The following CCDC91 variants were observed in gnomAD, a reference collection of about 807,000 sequenced individuals.
The protein encoded by CCDC91 is coiled-coil domain containing 91.
A neutral mutation model predicts 63.2 loss-of-function variants in CCDC91; 48 were observed. That is an observed-to-expected ratio of 0.76 (90% CI 0.60 to 0.97). The LOEUF is 0.97. Among genes scored for constraint, CCDC91 ranks in the 50% least tolerant of loss-of-function variants. CCDC91 has a pLI of 0.00. For missense variants in CCDC91, 500 were observed against 494.6 expected (o/e 1.01, Z -0.10); for synonymous variants, 167 against 165.8 (o/e 1.01, Z -0.06).
At chr12:28,346,052 CTT>C in intron 6 of CCDC91, among the ~76,000 whole-genome samples, 2 of 150,696 alleles carry the variant, frequency 1.3e-5, no homozygotes, top group South Asian at 4.2e-4. Flanking sequence ...TTATTGTGAT[CTT>C]ATATATATTT....
At chr12:28,261,042 T>C (rs1220726428) in intron 3 of CCDC91, among the ~76,000 whole-genome samples, 1 of 152,032 alleles carries the variant, frequency 6.6e-6, no homozygotes, top group Non-Finnish European at 1.5e-5. Flanking sequence ...TCTTTTTCAA[T>C]AACTCAGGTT....
chr12:28,275,428 T>C (rs914638665), intron 3 of CCDC91, among the ~76,000 whole-genome samples: 39 of 151,982 alleles, frequency 2.6e-4, no homozygotes, highest in South Asian at 2.1e-4. Context: ...CAGGAAGAAG[T>C]TGAATCTCTG....
intron 1 of CCDC91, among the ~76,000 whole-genome samples, chr12:28,228,400 C>G (rs1944402862): frequency 6.6e-6 from 1 of 152,012 alleles, no homozygotes; most frequent in African/African-American, 2.4e-5. Context: ...ACTGTGATAT[C>G]CAAGGACATA....
chr12:28,415,665 T>TGTGC (rs1947612737), intron 8 of CCDC91, among the ~76,000 whole-genome samples: 1 of 298 alleles, frequency 3.4e-3, no homozygotes, highest in Non-Finnish European at 0.026. Context: ...GATATATATT[T>TGTGC]GTGTGTGTGT....
At chr12:28,535,870 A>T (rs953332845) in intron 12 of CCDC91, among the ~76,000 whole-genome samples, 5 of 152,050 alleles carry the variant, frequency 3.3e-5, no homozygotes, top group Non-Finnish European at 7.4e-5. Context: ...CTACTAAAAA[A>T]TACAAAAATT....
intron 8 of CCDC91, among the ~76,000 whole-genome samples, chr12:28,431,595 C>T (rs992802263): frequency 1.3e-5 from 2 of 151,962 alleles, no homozygotes; most frequent in African/African-American, 2.4e-5. Context: ...CTCTTATAAG[C>T]AGGTTCTAGC....
chr12:28,255,826 T>C (rs1946408482), intron 1 of CCDC91: 1 of 152,148 alleles, frequency 6.6e-6, no homozygotes. Flanking sequence ...AAATTAATGT[T>C]TTTACTGTTT....
At position 28,510,947 on chromosome 12, in the gene CCDC91, T is replaced by A. The variant is rs1458715592; in HGVS notation, c.1215+26782T>A. On this transcript the variant is annotated intron_variant, in intron 12 of 12. Coordinates refer to ENST00000536442, the MANE Select transcript of CCDC91 (RefSeq NM_018318.5). ...TTTGCTCCTTCACAAGACTTTCTTTTCTCAATAAATGGCACCAGCTGCACA... is the reference window on the plus strand; with the variant it reads ...TTTGCTCCTTCACAAGACTTTCTTTACTCAATAAATGGCACCAGCTGCACA... 1.2e-4 allele frequency among the ~76,000 whole-genome samples: 18 copies of A among 151,970 alleles called. 1 individual carries two copies. The highest frequency in any genetic ancestry group is 1.2e-3 in the Admixed American group (18 of 15,218).
intron 6 of CCDC91, among the ~76,000 whole-genome samples, chr12:28,329,187 G>A (rs1051120712): frequency 6.6e-6 from 1 of 152,170 alleles, no homozygotes; most frequent in Non-Finnish European, 1.5e-5. Context: ...TCAGTTCAAT[G>A]TTGGATTTCA....
At chr12:28,259,216 G>C (rs2136194230) in intron 2 of CCDC91, 148 bp from the exon 3 acceptor site, 1 of 621,126 alleles carries the variant, frequency 1.6e-6, no homozygotes, top group Admixed American at 2.5e-5. Flanking sequence ...AGTGGTAGGA[G>C]TTAAGACTGA....
chr12:28,398,353 G>A (rs528890551), intron 8 of CCDC91, among the ~76,000 whole-genome samples: 1 of 152,136 alleles, frequency 6.6e-6, no homozygotes, highest in African/African-American at 2.4e-5. Context: ...ATAGTCACAT[G>A]TATTAATAAT....
intron 12 of CCDC91, among the ~76,000 whole-genome samples, chr12:28,545,649 C>T (rs1446403104): frequency 6.6e-6 from 1 of 151,998 alleles, no homozygotes; most frequent in Non-Finnish European, 1.5e-5. Context: ...GTGAAGTGAG[C>T]CTTGGCAGCT....
Position 28,370,320 on chromosome 12 carries a change from G to A in CCDC91, c.654+7805G>A, listed in dbSNP as rs185915271. On this transcript the variant is annotated intron_variant, in intron 7 of 12. Coordinates refer to ENST00000536442, the MANE Select transcript of CCDC91 (RefSeq NM_018318.5). ...AGATATCCTAAATCATGTCTCTCAAGTTCAGCATTTTACAATTCTCTAGGG... is the reference window on the plus strand; with the variant it reads ...AGATATCCTAAATCATGTCTCTCAAATTCAGCATTTTACAATTCTCTAGGG... Among the ~76,000 whole-genome samples, 29 of 152,274 alleles carry A rather than the reference G, an allele frequency of 1.9e-4. No individual in the cohort carries two copies. The East Asian group carries it at 4.5e-3, about 23-fold the overall frequency.
chr12:28,452,696 AT>A, intron 11 of CCDC91, 42 bp downstream of exon 11: 1 of 1,142,972 alleles, frequency 8.7e-7, no homozygotes, highest in Admixed American at 2.8e-5. Context: ...CTTTTTTCTC[AT>A]TTTTCTCAAA....
At chr12:28,208,631 G>C (rs957333433) in intron 1 of CCDC91, among the ~76,000 whole-genome samples, 49 of 152,190 alleles carry the variant, frequency 3.2e-4, no homozygotes, top group Non-Finnish European at 5.6e-4. Context: ...TTATGAAATA[G>C]AATCCAGGTT....
chr12:28,316,904 A>G (rs1329294078), intron 6 of CCDC91, among the ~76,000 whole-genome samples: 1 of 151,796 alleles, frequency 6.6e-6, no homozygotes, highest in African/African-American at 2.4e-5. Flanking sequence ...ATTTGTCCTC[A>G]GTGTCGGGCT....
chr12:28,363,895 A>G (rs947104411), intron 7 of CCDC91, among the ~76,000 whole-genome samples: 1 of 149,772 alleles, frequency 6.7e-6, no homozygotes, highest in African/African-American at 2.4e-5. Context: ...AAAAAAAAAA[A>G]AAAGAAAAAA....
intron 12 of CCDC91, among the ~76,000 whole-genome samples, chr12:28,504,476 T>C (rs1314264732): frequency 1.3e-5 from 2 of 151,948 alleles, no homozygotes; most frequent in Non-Finnish European, 2.9e-5. Context: ...ATTTCTAAGC[T>C]AAAATTTTAA....
chr12:28,490,931 A>G (rs989738391), intron 12 of CCDC91, among the ~76,000 whole-genome samples: 1 of 66,704 alleles, frequency 1.5e-5, no homozygotes, highest in African/African-American at 6.4e-5. Context: ...TTTCCATTTC[A>G]ACTGTGGTAA....
Sources: gnomAD v4.1 joint callset for allele counts (sites outside exome capture counted in the v4.1 genomes callset) on GRCh38, gnomAD v4.1.1 for gene constraint, MANE v1.5 for transcripts, NCBI Gene and HGNC (gene_info 2026-07-23, HGNC 2026-07-21) for gene names.